RANGAP1: variants seen among roughly 807,000 people sequenced by gnomAD.
RANGAP1 encodes the protein ran GTPase-activating protein 1.
In RANGAP1, 38 loss-of-function variants were observed where a neutral mutation model predicts 63.5. The ratio of observed to expected loss-of-function variants is 0.60; its 90% CI spans 0.46 to 0.78. RANGAP1 has a LOEUF of 0.78. Ranked by LOEUF, RANGAP1 falls within the 30% of genes least tolerant of loss-of-function variation. The probability of loss-of-function intolerance (pLI) is 0.00; values close to 1 mark genes in which losing one functional copy is unlikely to be tolerated. For missense variants in RANGAP1, 630 were observed against 740.3 expected (o/e 0.85, Z 1.73); for synonymous variants, 329 against 310.5 (o/e 1.06, Z -0.63).
At chr22:41,253,092 A>G (rs2145696009) in intron 11 of RANGAP1, 101 bp from the exon 12 acceptor site, 2 of 1,202,132 alleles carry the variant, frequency 1.7e-6, no homozygotes, top group East Asian at 6.5e-5. Context: ...CCTTCACTCC[A>G]GCCCATCTAG....
At chr22:41,293,429 T>C in the RANGAP1 span, among the ~76,000 whole-genome samples, 1 of 151,590 alleles carries the variant, frequency 6.6e-6, no homozygotes, top group Non-Finnish European at 1.5e-5. Flanking sequence ...AATAAATAAA[T>C]AAATAAAATG....
rs2032999930 is a variant in RANGAP1, at chr22:41,245,945, C to T, written c.*658G>A. On this transcript the variant is annotated 3_prime_UTR_variant, in exon 16 of 16. Coordinates refer to ENST00000356244, the MANE Select transcript of RANGAP1 (RefSeq NM_002883.4). ...GGGGCCAGCGCAGTCCCAGCAGCTC[C>T]TGCTCCTGGACAATCTGGTGTCTGC... 1 of 152,640 alleles carries T rather than the reference C, an allele frequency of 6.6e-6. No individual in the cohort carries two copies. The allele number at this position is 152,640 out of a possible 1,614,324, so 9.5% of individuals were successfully genotyped here. A position where few individuals can be genotyped will look rare whatever the true frequency, so the allele number is the denominator to read the frequency against.
At chr22:41,285,745 C>T in intron 1 of RANGAP1, 1 of 939,008 alleles carries the variant, frequency 1.1e-6, no homozygotes, top group Non-Finnish European at 1.3e-6. Flanking sequence ...CTAGCAGCTG[C>T]AGGCTGAGCT....
At chr22:41,287,352 G>A (rs991652424), upstream of RANGAP1, among the ~76,000 whole-genome samples, 1 of 148,740 alleles carries the variant, frequency 6.7e-6, no homozygotes, top group Non-Finnish European at 1.5e-5. Flanking sequence ...GTGAATTTAA[G>A]CATAAAAACA....
chr22:41,293,403 A>C, the RANGAP1 span, among the ~76,000 whole-genome samples: 112,845 of 151,806 alleles, frequency 0.74, 42,659 homozygotes, highest in Admixed American at 0.79. Context: ...CGGAGGGAGA[A>C]CCTGTCTCAA....
chr22:41,269,538 T>A (rs1040540732), intron 3 of RANGAP1, among the ~76,000 whole-genome samples: 1 of 150,882 alleles, frequency 6.6e-6, no homozygotes. Flanking sequence ...AGTTTGAGAG[T>A]AGCCTGGCCA....
intron 12 of RANGAP1, among the ~76,000 whole-genome samples, chr22:41,251,495 G>A (rs770195475): frequency 3.3e-5 from 5 of 152,030 alleles, no homozygotes; most frequent in Admixed American, 3.3e-4. Flanking sequence ...GGTTGGTGGT[G>A]TGTGCCTATA....
intron 10 of RANGAP1, among the ~76,000 whole-genome samples, chr22:41,254,994 A>C (rs1393182068): frequency 6.6e-6 from 1 of 151,674 alleles, no homozygotes; most frequent in Non-Finnish European, 1.5e-5. Context: ...AAAAAAAAAA[A>C]ACAAAAAAAA....
At chr22:41,271,784 G>A (rs1168091365) in intron 3 of RANGAP1, among the ~76,000 whole-genome samples, 7 of 151,976 alleles carry the variant, frequency 4.6e-5, no homozygotes, top group Admixed American at 1.3e-4. Flanking sequence ...TCTCTCGCCC[G>A]TCAAGACCTC....
chr22:41,252,098 C>T (rs973677921), intron 12 of RANGAP1, among the ~76,000 whole-genome samples: 9 of 152,084 alleles, frequency 5.9e-5, no homozygotes, highest in South Asian at 2.1e-4. Flanking sequence ...TTTGGGAGGC[C>T]GAGGTGGGTG....
intron 10 of RANGAP1, 92 bp downstream of exon 10, chr22:41,255,929 G>T: frequency 1.5e-6 from 2 of 1,309,698 alleles, no homozygotes; most frequent in East Asian, 2.4e-5. Flanking sequence ...ACTTTAGCCT[G>T]GGGAACAGAG....
the RANGAP1 span, among the ~76,000 whole-genome samples, chr22:41,293,063 G>A: frequency 2.5e-3 from 383 of 151,552 alleles, no homozygotes; most frequent in Non-Finnish European, 4.6e-3. Context: ...GTGAAACCCC[G>A]TCTCTACTAA....
At chr22:41,267,170 C>T (rs951225619) in intron 4 of RANGAP1, among the ~76,000 whole-genome samples, 4 of 152,168 alleles carry the variant, frequency 2.6e-5, no homozygotes, top group East Asian at 1.9e-4. Context: ...TGAGCCACCA[C>T]GCCTGGCCAG....
intron 3 of RANGAP1, among the ~76,000 whole-genome samples, chr22:41,271,407 A>AC (rs1196803771): frequency 2.7e-5 from 4 of 150,106 alleles, no homozygotes; most frequent in African/African-American, 7.3e-5. Flanking sequence ...AAAAAAAAAA[A>AC]ACAAAAACGC....
At chr22:41,271,404 A>AC (rs1476588913) in intron 3 of RANGAP1, among the ~76,000 whole-genome samples, 5 of 150,424 alleles carry the variant, frequency 3.3e-5, no homozygotes, top group Non-Finnish European at 7.4e-5. Flanking sequence ...AACAAAAAAA[A>AC]AAAACAAAAA....
At chr22:41,272,211 TGTTCTTCACA>T (rs1175531580) in intron 3 of RANGAP1, among the ~76,000 whole-genome samples, 1 of 152,110 alleles carries the variant, frequency 6.6e-6, no homozygotes, top group Non-Finnish European at 1.5e-5. Context: ...CCTTCATTCC[TGTTCTTCACA>T]GGTCTCGGGG....
the RANGAP1 span, among the ~76,000 whole-genome samples, chr22:41,298,606 C>T: frequency 3.3e-5 from 5 of 152,122 alleles, no homozygotes; most frequent in East Asian, 3.9e-4. Flanking sequence ...TGAGCCACCA[C>T]GCCCGGCCTC....
chr22:41,252,646 G>A (rs1416377500), intron 12 of RANGAP1, among the ~76,000 whole-genome samples: 1 of 152,296 alleles, frequency 6.6e-6, no homozygotes, highest in Non-Finnish European at 1.5e-5. Context: ...CATGGGAACT[G>A]GCGGGCTGTA....
chr22:41,281,199 C>T, intron 1 of RANGAP1, 117 bp from the exon 2 acceptor site: 2 of 1,185,080 alleles, frequency 1.7e-6, no homozygotes, highest in Non-Finnish European at 2.3e-6. Flanking sequence ...TATGGAGACC[C>T]TAGAGATAAA....
Sources: allele counts gnomAD v4.1 joint callset (sites outside exome capture counted in the v4.1 genomes callset), GRCh38; gene constraint gnomAD v4.1.1; transcripts MANE v1.5; gene names NCBI Gene and HGNC (gene_info 2026-07-23, HGNC 2026-07-21).